Variants in IDI1 observed in about 807,000 individuals in gnomAD.
IDI1 encodes isopentenyl-diphosphate Delta-isomerase 1.
IDI1 carries 23 observed loss-of-function variants against 32.9 expected under a neutral mutation model. The ratio of observed to expected loss-of-function variants is 0.70; its 90% CI spans 0.50 to 0.99. The LOEUF (loss-of-function observed/expected upper bound fraction) is 0.99, where lower values mean the gene tolerates loss of function less well. Ranked by LOEUF, IDI1 falls within the 50% of genes least tolerant of loss-of-function variation. The pLI, the probability that IDI1 is intolerant of heterozygous loss-of-function variation, is 0.00. For missense variants in IDI1, 326 were observed against 351.9 expected (o/e 0.93, Z 0.59); for synonymous variants, 133 against 128.2 (o/e 1.04, Z -0.25).
At chr10:1,053,949 A>G (rs1833078098), upstream of IDI1, among the ~76,000 whole-genome samples, 1 of 152,140 alleles carries the variant, frequency 6.6e-6, no homozygotes, top group African/African-American at 2.4e-5. Context: ...GAGCAGAAGG[A>G]GAGAGATAGG....
At chr10:1,048,673 C>T in intron 1 of IDI1, 191 bp downstream of exon 1, 2 of 1,410,880 alleles carry the variant, frequency 1.4e-6, no homozygotes, top group Non-Finnish European at 1.8e-6. Flanking sequence ...GGCGCGGGCG[C>T]CCACCACAGC....
At chr10:1,050,505 C>T (rs1043206293), upstream of IDI1, among the ~76,000 whole-genome samples, 5 of 152,256 alleles carry the variant, frequency 3.3e-5, no homozygotes, top group African/African-American at 9.6e-5. Context: ...CACTAAGCTT[C>T]TAAAGGCCAA....
Position 1,044,189 on chromosome 10 carries a change from G to A in IDI1, c.141-18C>T, listed in dbSNP as rs1564486141. The stretch of plus-strand genomic sequence containing the variant: ...CTAGAACACTAATATTAAAGGAAAA[G>A]AGAAAGAAAGGCCATCATATATTTT... On this transcript the variant is annotated intron_variant, in intron 1 of 4. Transcript: ENST00000381344. 5 of 1,576,392 alleles carry A rather than the reference G, an allele frequency of 3.2e-6. No individual in the cohort carries two copies. The East Asian group carries it at 6.7e-5, about 21-fold the overall frequency.
At chr10:1,042,469 T>G in intron 4 of IDI1, 163 bp downstream of exon 4, 1 of 692,642 alleles carries the variant, frequency 1.4e-6, no homozygotes. Flanking sequence ...TATTAAGAAA[T>G]TAAAATTTAA....
the IDI1 span, among the ~76,000 whole-genome samples, chr10:1,054,540 CAT>C: frequency 4.6e-5 from 7 of 152,334 alleles, no homozygotes; most frequent in East Asian, 1.9e-4. Flanking sequence ...CATAGATGGA[CAT>C]GTGACAAAAT....
At chr10:1,045,870 T>G (rs929721680) in intron 1 of IDI1, among the ~76,000 whole-genome samples, 1 of 44,228 alleles carries the variant, frequency 2.3e-5, no homozygotes, top group South Asian at 1.0e-3. Flanking sequence ...GGTCTGGGTG[T>G]GTGTGTGTGT....
rs1300169620 is a variant in IDI1, at chr10:1,048,962, C to T, written c.42G>A (p.Ala14=). The T allele has an allele frequency of 2.6e-6, 4 of 1,556,430 alleles. No homozygotes were observed. The highest frequency in any genetic ancestry group is 1.9e-5 in the Admixed American group (1 of 53,408). The change falls in exon 1 of 5, where the codon GCG becomes GCA. Residue 14 remains alanine (A), a synonymous_variant. Coordinates refer to ENST00000381344, the MANE Select transcript of IDI1 (RefSeq NM_004508.4). ...GLALARAIGC[A]ARGRGQWAVR... ...CCGCCCACTGGCCCCGCCCCCGGGC[C>T]GCGCAGCCAATCGCTCGCGCCAGCG...
At chr10:1,048,813 C>T (rs1832884326) in intron 1 of IDI1, 51 bp downstream of exon 1, 3 of 1,584,988 alleles carry the variant, frequency 1.9e-6, no homozygotes, top group Non-Finnish European at 2.6e-6. Flanking sequence ...CCGCAGCTCC[C>T]CGATGCCGCC....
Position 1,041,040 on chromosome 10 carries a change from T to C in IDI1, c.*147A>G, listed in dbSNP as rs1832561627. The C allele has an allele frequency of 1.8e-6, 1 of 547,622 alleles. No individual in the cohort carries two copies. Among genetic ancestry groups the C allele is most frequent in the East Asian group, 2.9e-5 (1 of 34,894 alleles). The allele number at this position is 547,622 out of a possible 1,614,324, so 33.9% of individuals were successfully genotyped here. A position where few individuals can be genotyped will look rare whatever the true frequency, so the allele number is the denominator to read the frequency against. ...AGTTTTTTCCACACAAGTTTTAAAG[T>C]ATCAGTGTATATAATACATTAATGA... On this transcript the variant is annotated 3_prime_UTR_variant, in exon 5 of 5. Transcript: ENST00000381344.
upstream of IDI1, among the ~76,000 whole-genome samples, chr10:1,053,494 CAG>C (rs1482967695): frequency 6.6e-6 from 1 of 152,208 alleles, no homozygotes; most frequent in African/African-American, 2.4e-5. Flanking sequence ...ACAGACCACT[CAG>C]AGTTTCTCCA....
At chr10:1,052,074 T>C (rs147156086), upstream of IDI1, among the ~76,000 whole-genome samples, 701 of 152,248 alleles carry the variant, frequency 4.6e-3, 3 homozygotes, top group Non-Finnish European at 8.5e-3. Context: ...GGTTTCACCA[T>C]GTTGGCCAGG....
chr10:1,048,079 TGG>T (rs1832852487), intron 1 of IDI1, among the ~76,000 whole-genome samples: 1 of 152,122 alleles, frequency 6.6e-6, no homozygotes, highest in African/African-American at 2.4e-5. Flanking sequence ...TGGAGTGCAG[TGG>T]CGCGATCTCG....
At chr10:1,053,315 T>G (rs943666751), upstream of IDI1, among the ~76,000 whole-genome samples, 1 of 152,244 alleles carries the variant, frequency 6.6e-6, no homozygotes, top group Non-Finnish European at 1.5e-5. Flanking sequence ...CTTGCACTTT[T>G]GTATTATAGA....
the IDI1 span, chr10:1,056,274 C>T: frequency 6.6e-6 from 1 of 152,290 alleles, no homozygotes; most frequent in Admixed American, 6.5e-5. Context: ...ACGTTTCCAA[C>T]CTAGATTCTA....
intron 1 of IDI1, among the ~76,000 whole-genome samples, chr10:1,045,729 A>C (rs1423716434): frequency 6.6e-6 from 1 of 152,226 alleles, no homozygotes; most frequent in Non-Finnish European, 1.5e-5. Context: ...GGCCTCCCAA[A>C]GTGTTGAGAT....
chr10:1,048,963 G>A lies in IDI1; in HGVS notation c.41C>T (p.Ala14Val), dbSNP rs781766774. 4.5e-6 allele frequency: 7 copies of A among 1,554,904 alleles called. No individual in the cohort carries two copies. Among genetic ancestry groups the A allele is most frequent in the African/African-American group, 4.2e-5 (3 of 71,868 alleles). ...CGCCCACTGGCCCCGCCCCCGGGCC[G>A]CGCAGCCAATCGCTCGCGCCAGCGC... Reference protein sequence around the residue: ...GLALARAIGCAARGRGQWAVR... With the variant: ...GLALARAIGCVARGRGQWAVR... Residue 14 changes from alanine (A) to valine (V), a missense_variant, in exon 1 of 5, where the codon GCG (alanine) becomes GTG (valine). By Grantham distance (64) the Ala-to-Val change is moderately conservative. Coordinates refer to ENST00000381344, the MANE Select transcript of IDI1 (RefSeq NM_004508.4).
chr10:1,041,330 C>CT lies in IDI1; in HGVS notation c.711dup (p.Glu238ArgfsTer10), dbSNP rs1564482836. 1 of 1,613,658 alleles carries CT rather than the reference C, an allele frequency of 6.2e-7. No individual in the cohort carries two copies. Among genetic ancestry groups the CT allele is most frequent in the Non-Finnish European group, 8.5e-7 (1 of 1,179,790 alleles). On this transcript the variant is annotated frameshift_variant, in exon 5 of 5. Coordinates refer to ENST00000381344, the MANE Select transcript of IDI1 (RefSeq NM_004508.4). LOFTEE classifies it high-confidence loss of function. ...CCACTGGCTGCTTTTTTCAGAAGTTCTTTTAGTTCTTCCTTTGACACATAA... is the reference window on the plus strand; with the variant it reads ...CCACTGGCTGCTTTTTTCAGAAGTTCTTTTTAGTTCTTCCTTTGACACATAA...
upstream of IDI1, among the ~76,000 whole-genome samples, chr10:1,051,300 A>C (rs1271089795): frequency 6.6e-6 from 1 of 152,244 alleles, no homozygotes; most frequent in East Asian, 1.9e-4. Context: ...ACATAAAGTC[A>C]CCAAGTTCTT....
chr10:1,045,452 A>T (rs1832772556), intron 1 of IDI1, among the ~76,000 whole-genome samples: 1 of 152,208 alleles, frequency 6.6e-6, no homozygotes, highest in African/African-American at 2.4e-5. Context: ...TATTTCAAAT[A>T]CATAGATTTT....
Sources: allele counts gnomAD v4.1 joint callset (sites outside exome capture counted in the v4.1 genomes callset), GRCh38; gene constraint gnomAD v4.1.1; transcripts MANE v1.5; gene names NCBI Gene and HGNC (gene_info 2026-07-23, HGNC 2026-07-21).